The following PTPRN2 variants were observed in gnomAD, a reference collection of about 807,000 sequenced individuals.
The protein encoded by PTPRN2 is receptor-type tyrosine-protein phosphatase N2.
PTPRN2 carries 74 observed loss-of-function variants against 118.8 expected under a neutral mutation model. The observed-to-expected ratio is 0.62, with a 90% confidence interval of 0.52 to 0.76. The LOEUF (loss-of-function observed/expected upper bound fraction) is 0.76. Ranked by LOEUF, PTPRN2 falls within the 30% of genes least tolerant of loss-of-function variation. The probability of loss-of-function intolerance (pLI) is 0.00; values close to 1 mark genes in which losing one functional copy is unlikely to be tolerated. For synonymous variants in PTPRN2, 641 were observed against 608.0 expected, an observed-to-expected ratio of 1.05 and a Z score of -0.80; for missense variants, 1,481 against 1,394.4, an observed-to-expected ratio of 1.06 and a Z score of -0.99.
chr7:157,972,457 G>A (rs1235759452), intron 11 of PTPRN2, among the ~76,000 whole-genome samples: 2 of 152,172 alleles, frequency 1.3e-5, no homozygotes, highest in Admixed American at 1.3e-4. Flanking sequence ...GGCCCTGTGG[G>A]AGAGACCACA....
intron 11 of PTPRN2, among the ~76,000 whole-genome samples, chr7:158,080,314 C>CAAAAAAAAAAAAAA (rs556546951): frequency 1.4e-5 from 1 of 72,226 alleles, no homozygotes; most frequent in Non-Finnish European, 2.5e-5. Context: ...CAAATTTAAG[C>CAAAAAAAAAAAAAA]AAAAAAAAAA....
intron 10 of PTPRN2, among the ~76,000 whole-genome samples, chr7:158,099,018 GGCTGCCTCCCCTTCCTCCCCC>G (rs1814942670): frequency 4.3e-4 from 7 of 16,212 alleles, no homozygotes; most frequent in Admixed American, 6.7e-4. Flanking sequence ...AACACATCCC[GGCTGCCTCCCCTTCCTCCCCC>G]CAACACATCC....
intron 2 of PTPRN2, among the ~76,000 whole-genome samples, chr7:158,444,177 G>A (rs559738697): frequency 3.3e-5 from 5 of 152,334 alleles, no homozygotes; most frequent in East Asian, 1.9e-4. Context: ...GCACCCCTCC[G>A]GCAGCCTCGC....
At chr7:158,415,847 T>C (rs1308509195) in intron 2 of PTPRN2, among the ~76,000 whole-genome samples, 1 of 152,078 alleles carries the variant, frequency 6.6e-6, no homozygotes, top group Non-Finnish European at 1.5e-5. Context: ...GACTTCAGAG[T>C]AGTTCATAAA....
intron 11 of PTPRN2, among the ~76,000 whole-genome samples, chr7:157,980,581 T>A (rs983421146): frequency 2.6e-5 from 4 of 151,960 alleles, no homozygotes; most frequent in Non-Finnish European, 4.4e-5. Context: ...CAAAACCCCG[T>A]CTCTACTAAA....
chr7:158,191,870 G>A (rs1018412887), intron 5 of PTPRN2, among the ~76,000 whole-genome samples: 12 of 152,080 alleles, frequency 7.9e-5, no homozygotes, highest in Admixed American at 3.9e-4. Context: ...CAGGCTTGCC[G>A]GGGAGCAGGA....
intron 11 of PTPRN2, among the ~76,000 whole-genome samples, chr7:158,007,880 A>C (rs1162511133): frequency 7.0e-6 from 1 of 142,918 alleles, no homozygotes; most frequent in Non-Finnish European, 1.5e-5. Flanking sequence ...ATGCATGTGC[A>C]CGTGTGTGTA....
rs370895612 is a variant in PTPRN2, at chr7:157,828,572, A to T, written c.1788+70101T>A. On this transcript the variant is annotated intron_variant, in intron 12 of 22. Transcript: ENST00000389418. ...TCCTGGTTACTGCAGGTATGATCAC[A>T]GCAAGACCCTGAGAGATGTCCTGGT... Among the ~76,000 whole-genome samples the T allele has an allele frequency of 6.4e-4, 91 of 143,006 alleles. 1 individual carries two copies. In the East Asian group the frequency reaches 0.019, roughly 29 times the overall value. The allele number at this position is 143,006 out of a possible 152,430, so 93.8% of individuals were successfully genotyped here. A position where few individuals can be genotyped will look rare whatever the true frequency, so the allele number is the denominator to read the frequency against.
chr7:157,670,244 C>G (rs139783576), intron 13 of PTPRN2, among the ~76,000 whole-genome samples: 10 of 152,172 alleles, frequency 6.6e-5, no homozygotes, highest in Non-Finnish European at 7.4e-5. Flanking sequence ...AAGGCACGTA[C>G]GGGCTCACGG....
At chr7:158,452,185 C>T (rs569981728) in intron 2 of PTPRN2, among the ~76,000 whole-genome samples, 5 of 143,144 alleles carry the variant, frequency 3.5e-5, no homozygotes, top group Non-Finnish European at 4.6e-5. Context: ...GTGTGCAAGA[C>T]TCAACGCCCC....
At chr7:158,136,384 A>T (rs7787501) in intron 8 of PTPRN2, among the ~76,000 whole-genome samples, 51,951 of 151,922 alleles carry the variant, frequency 0.34, 9,144 homozygotes, top group East Asian at 0.5. Context: ...TTCCAGGAAA[A>T]ATTAATTTTC....
intron 6 of PTPRN2, among the ~76,000 whole-genome samples, chr7:158,144,956 C>A (rs538509888): frequency 7.1e-6 from 1 of 141,740 alleles, no homozygotes; most frequent in East Asian, 1.9e-4. Context: ...GCAAGACTTC[C>A]CTCACATCAT....
intron 13 of PTPRN2, among the ~76,000 whole-genome samples, chr7:157,673,006 C>T (rs1585215542): frequency 6.6e-6 from 1 of 152,186 alleles, no homozygotes; most frequent in Admixed American, 6.5e-5. Context: ...ACACCTGCCA[C>T]CTTTCTAGTG....
At chr7:158,549,967 C>T (rs1305593809) in intron 1 of PTPRN2, among the ~76,000 whole-genome samples, 6 of 152,258 alleles carry the variant, frequency 3.9e-5, no homozygotes, top group Admixed American at 3.9e-4. Context: ...CCCCCTTGCC[C>T]TCGTCCTGGG....
At chr7:157,605,538 T>A (rs939044596) in intron 15 of PTPRN2, among the ~76,000 whole-genome samples, 1 of 152,152 alleles carries the variant, frequency 6.6e-6, no homozygotes, top group Non-Finnish European at 1.5e-5. Context: ...ATTCGACAGG[T>A]CCTGAGTTCT....
At chr7:158,404,360 T>C (rs1016298092) in intron 2 of PTPRN2, among the ~76,000 whole-genome samples, 7 of 152,152 alleles carry the variant, frequency 4.6e-5, no homozygotes, top group African/African-American at 1.7e-4. Flanking sequence ...AGATTCTGTG[T>C]GTGCCTTTGA....
chr7:158,266,627 C>T (rs948822578), intron 3 of PTPRN2, among the ~76,000 whole-genome samples: 24 of 152,150 alleles, frequency 1.6e-4, no homozygotes, highest in Non-Finnish European at 2.8e-4. Context: ...ACAGAGGGAC[C>T]CAGCAGCAGC....
At position 157,851,947 on chromosome 7, in the gene PTPRN2, C is replaced by A. The variant is rs572867246; in HGVS notation, c.1788+46726G>T. On this transcript the variant is annotated intron_variant, in intron 12 of 22. Transcript: ENST00000389418. ...CGCCCACCTCGCTGCGGGCAACACC[C>A]GTTTTCCTAAAGATTGACAAGAGGA... Among the ~76,000 whole-genome samples the A allele has an allele frequency of 2.6e-5, 4 of 152,350 alleles. No homozygotes were observed. In the South Asian group the frequency reaches 6.2e-4, roughly 24 times the overall value.
chr7:157,849,345 T>C (rs927599091), intron 12 of PTPRN2, among the ~76,000 whole-genome samples: 12 of 152,168 alleles, frequency 7.9e-5, no homozygotes, highest in Admixed American at 7.9e-4. Flanking sequence ...TTGCGATTCA[T>C]GTCAGACACT....
Sources: gnomAD v4.1 joint callset for allele counts (sites outside exome capture counted in the v4.1 genomes callset) on GRCh38, gnomAD v4.1.1 for gene constraint, MANE v1.5 for transcripts, NCBI Gene and HGNC (gene_info 2026-07-23, HGNC 2026-07-21) for gene names.